Variants in CAPZA1 observed in about 807,000 individuals in gnomAD.
The protein encoded by CAPZA1 is F-actin-capping protein subunit alpha-1.
A neutral mutation model predicts 40.8 loss-of-function variants in CAPZA1; 10 were observed. The observed-to-expected ratio is 0.25, with a 90% confidence interval of 0.15 to 0.42. The LOEUF (loss-of-function observed/expected upper bound fraction) is 0.42. Among genes scored for constraint, CAPZA1 ranks in the 10% least tolerant of loss-of-function variants. The pLI is 1.00. For synonymous variants in CAPZA1, 98 were observed against 115.0 expected (o/e 0.85, Z 0.95); for missense variants, 277 against 353.8 (o/e 0.78, Z 1.74).
intron 1 of CAPZA1, 143 bp downstream of exon 1, chr1:112,620,026 C>A: frequency 1.5e-6 from 1 of 657,482 alleles, no homozygotes; most frequent in Non-Finnish European, 2.6e-6. Flanking sequence ...AGTCGGGACG[C>A]TTCCCTCTTA....
chr1:112,664,041 G>A (rs1191193961), intron 7 of CAPZA1, among the ~76,000 whole-genome samples: 5 of 151,974 alleles, frequency 3.3e-5, no homozygotes, highest in Admixed American at 3.3e-4. Flanking sequence ...AGACCAGCCT[G>A]GGCAACACAG....
At chr1:112,660,712 T>C (rs1053933240) in intron 7 of CAPZA1, among the ~76,000 whole-genome samples, 2 of 152,192 alleles carry the variant, frequency 1.3e-5, no homozygotes, top group Admixed American at 1.3e-4. Flanking sequence ...CTCAGGGTGA[T>C]TTAATATTTA....
At chr1:112,649,393 A>G (rs1047564694) in intron 2 of CAPZA1, 25 bp from the exon 3 acceptor site, 4 of 1,590,488 alleles carry the variant, frequency 2.5e-6, no homozygotes, top group Non-Finnish European at 3.4e-6. Context: ...CCTCCACTGA[A>G]CATTGTAACA....
chr1:112,665,742 G>A (rs1275332638), intron 7 of CAPZA1, among the ~76,000 whole-genome samples: 6 of 152,068 alleles, frequency 3.9e-5, no homozygotes, highest in Non-Finnish European at 8.8e-5. Flanking sequence ...CTAATCCCTT[G>A]AAGGCTTCAT....
At chr1:112,644,841 G>A (rs1463481697) in intron 1 of CAPZA1, among the ~76,000 whole-genome samples, 3 of 152,078 alleles carry the variant, frequency 2.0e-5, no homozygotes, top group Non-Finnish European at 4.4e-5. Flanking sequence ...CTATATATTG[G>A]TATTGCCAAA....
chr1:112,669,569 T>C lies in CAPZA1; in HGVS notation c.684T>C (p.Phe228=), dbSNP rs1161729189. 1 of 1,610,980 alleles carries C rather than the reference T, an allele frequency of 6.2e-7. No homozygotes were observed. The highest frequency in any genetic ancestry group is 1.3e-5 in the African/African-American group (1 of 74,856). Residue 228 remains phenylalanine (F), a synonymous_variant, in exon 9 of 10, where the codon TTT becomes TTC. Transcript: ENST00000263168. ...ATGAAGCCCAAACTGCCAAGGAGTT[T>C]ATTAAAATCATAGAGAATGCAGAAA... ...VSNEAQTAKE[F]IKIIENAENE... is the part of the protein sequence containing the mutation.
intron 3 of CAPZA1, among the ~76,000 whole-genome samples, chr1:112,652,211 G>T (rs1420795621): frequency 6.6e-6 from 1 of 151,872 alleles, no homozygotes; most frequent in Non-Finnish European, 1.5e-5. Flanking sequence ...GCTGGGCACG[G>T]TGGTTCATGC....
chr1:112,636,487 G>GA (rs1292484812), intron 1 of CAPZA1, among the ~76,000 whole-genome samples: 1 of 152,078 alleles, frequency 6.6e-6, no homozygotes, highest in Non-Finnish European at 1.5e-5. Flanking sequence ...TATGAAAGAG[G>GA]AAATTATGTA....
At chr1:112,639,864 TGG>T (rs574925127) in intron 1 of CAPZA1, among the ~76,000 whole-genome samples, 1 of 82,990 alleles carries the variant, frequency 1.2e-5, no homozygotes. Context: ...GGGAGGGAGG[TGG>T]GGGGGTCAGC....
chr1:112,652,404 G>C (rs1425320156), intron 3 of CAPZA1, among the ~76,000 whole-genome samples: 1 of 151,124 alleles, frequency 6.6e-6, no homozygotes, highest in African/African-American at 2.4e-5. Context: ...GCTTGAACCC[G>C]GGAAGTGGAG....
intron 1 of CAPZA1, among the ~76,000 whole-genome samples, chr1:112,646,527 T>G (rs1030737270): frequency 6.6e-6 from 1 of 152,144 alleles, no homozygotes; most frequent in Admixed American, 6.5e-5. Context: ...CAGTAAGCCT[T>G]GATCATGCCA....
At chr1:112,625,300 G>GTA (rs201361159) in intron 1 of CAPZA1, among the ~76,000 whole-genome samples, 1,747 of 152,172 alleles carry the variant, frequency 0.011, 38 homozygotes, top group African/African-American at 0.04. Flanking sequence ...AAATGATGGT[G>GTA]TATATATATA....
chr1:112,643,953 T>C (rs1319098438), intron 1 of CAPZA1, among the ~76,000 whole-genome samples: 1 of 152,020 alleles, frequency 6.6e-6, no homozygotes, highest in Non-Finnish European at 1.5e-5. Flanking sequence ...CAAGAGATTC[T>C]CCTGCCTCAG....
chr1:112,652,930 TA>T (rs1322476933), intron 3 of CAPZA1, among the ~76,000 whole-genome samples: 1 of 152,212 alleles, frequency 6.6e-6, no homozygotes, highest in Non-Finnish European at 1.5e-5. Context: ...ATTCCTCTTT[TA>T]AAAATAACTA....
rs1553180448 is a variant in CAPZA1 at position 112,656,466 on chromosome 1, T to TTTTCC, written c.426+1795_426+1796insTTTCC. Among the ~76,000 whole-genome samples, 2 of 94,336 alleles carry TTTTCC rather than the reference T, an allele frequency of 2.1e-5. 1 individual carries two copies. The highest frequency in any genetic ancestry group is 8.0e-5 in the African/African-American group (2 of 24,994). 61.9% of individuals were successfully genotyped at this position (94,336 alleles called of 152,430 possible). A position where few individuals can be genotyped will look rare whatever the true frequency, so the allele number is the denominator to read the frequency against. ...TTTTTTTTTTTTTTTTTTTTTTTTT[T>TTTTCC]AATGAGAATACCCATTATGGTGGAC... is the stretch of plus-strand genomic sequence containing the variant. On this transcript the variant is annotated intron_variant, in intron 5 of 9. Coordinates refer to ENST00000263168, the MANE Select transcript of CAPZA1 (RefSeq NM_006135.3).
chr1:112,647,161 T>C (rs748764764), intron 1 of CAPZA1, 49 bp from the exon 2 acceptor site: 1 of 844,712 alleles, frequency 1.2e-6, no homozygotes, highest in South Asian at 2.1e-5. Context: ...TCTCCTTTTA[T>C]ATGTTACTCT....
intron 1 of CAPZA1, among the ~76,000 whole-genome samples, chr1:112,626,670 T>C (rs757228575): frequency 2.0e-5 from 3 of 152,220 alleles, no homozygotes; most frequent in Admixed American, 6.5e-5. Context: ...TGAATTATTT[T>C]TAACAACATT....
chr1:112,663,007 C>G (rs1040842665), intron 7 of CAPZA1, among the ~76,000 whole-genome samples: 1 of 152,074 alleles, frequency 6.6e-6, no homozygotes, highest in Non-Finnish European at 1.5e-5. Flanking sequence ...GCTCTGTCGC[C>G]AGGCTGGAGT....
chr1:112,649,074 G>A (rs1671337545), intron 2 of CAPZA1, among the ~76,000 whole-genome samples: 1 of 152,112 alleles, frequency 6.6e-6, no homozygotes, highest in Admixed American at 6.5e-5. Context: ...ACTGAATTGT[G>A]CCCAGCTTTC....
Sources: allele counts gnomAD v4.1 joint callset (sites outside exome capture counted in the v4.1 genomes callset), GRCh38; gene constraint gnomAD v4.1.1; transcripts MANE v1.5; gene names NCBI Gene and HGNC (gene_info 2026-07-23, HGNC 2026-07-21).